MSH6: variants seen among roughly 807,000 people sequenced by gnomAD.
MSH6 encodes mutS homolog 6.
Under a neutral mutation model 119.1 loss-of-function variants are expected in MSH6, and 85 were observed. The ratio of observed to expected loss-of-function variants is 0.71; its 90% confidence interval spans 0.60 to 0.85. The LOEUF is 0.85. Ranked by LOEUF, MSH6 falls within the 40% of genes least tolerant of loss-of-function variation. MSH6 has a pLI of 0.00. For missense variants in MSH6, 2,163 were observed against 1,655.3 expected (o/e 1.31, Z -5.32); for synonymous variants, 830 against 586.9 (o/e 1.41, Z -5.99).
rs1346694568 is a variant in MSH6 at position 47,801,113 on chromosome 2, T to G, written c.3130T>G (p.Tyr1044Asp). 6.2e-7 allele frequency: 1 copy of G among 1,612,444 alleles called. No individual in the cohort carries two copies. The highest frequency in any genetic ancestry group is 1.1e-5 in the South Asian group (1 of 90,870). The change falls in exon 4 of 10, where the codon TAC (tyrosine) becomes GAC (aspartate). Residue 1044 changes from tyrosine (Y) to aspartate (D), a missense_variant. Coordinates refer to ENST00000234420, the MANE Select transcript of MSH6 (RefSeq NM_000179.3). Reference protein sequence around the residue: ...RRLFYNFDKNYKDWQSAVECI... With the variant: ...RRLFYNFDKNDKDWQSAVECI... The stretch of plus-strand genomic sequence containing the variant: ...ACTGTTCTATAACTTTGATAAAAAT[T>G]ACAAGGACTGGCAGTCTGCTGTAGA...
rs587779243 is a variant in MSH6, at chr2:47,800,548, TATTG to T, written c.2569_2572del (p.Asp857PhefsTer10). 2 of 1,613,674 alleles carry T rather than the reference TATTG, an allele frequency of 1.2e-6. No individual in the cohort carries two copies. Among genetic ancestry groups the T allele is most frequent in the Non-Finnish European group, 1.7e-6 (2 of 1,179,938 alleles). On this transcript the variant is annotated frameshift_variant, in exon 4 of 10. Transcript: ENST00000234420. LOFTEE classifies it high-confidence loss of function. ...AAACTACATACAGCAAGAAGAAGAT[TATTG>T]ATTTTCTTTCTGCTCTGGAAGGATT...
Position 47,800,076 on chromosome 2 carries a change from A to C in MSH6, c.2093A>C (p.Gln698Pro). The change falls in exon 4 of 10, where the codon CAG becomes CCG. Residue 698 changes from glutamine (Q) to proline (P), a missense_variant. Transcript: ENST00000234420. ...VFYLKKCLIDQELLSMANFEE... is the reference protein window; with the variant it reads ...VFYLKKCLIDPELLSMANFEE... ...TACCTCAAAAAATGCCTTATTGATC[A>C]GGAGCTTTTATCAATGGCTAATTTT... The C allele has an allele frequency of 6.2e-7, 1 of 1,614,158 alleles. No individual in the cohort carries two copies. Among genetic ancestry groups the C allele is most frequent in the Non-Finnish European group, 8.5e-7 (1 of 1,180,024 alleles).
intron 1 of MSH6, among the ~76,000 whole-genome samples, chr2:47,790,148 G>A (rs763046439): frequency 6.6e-6 from 1 of 152,264 alleles, no homozygotes; most frequent in Admixed American, 6.5e-5. Context: ...TTGGCCAGGC[G>A]CGGTGGCTCA....
At position 47,793,318 on chromosome 2, in the gene MSH6, C is replaced by CAA. The variant is rs34250836; in HGVS notation, c.457+2223_457+2224dup. Among the ~76,000 whole-genome samples, 102 of 48,804 alleles carry CAA rather than the reference C, an allele frequency of 2.1e-3. 6 individuals are homozygous for CAA. The highest frequency in any genetic ancestry group is 3.2e-3 in the African/African-American group (37 of 11,746). 32.0% of individuals were successfully genotyped at this position (48,804 alleles called of 152,430 possible). On this transcript the variant is annotated intron_variant, in intron 2 of 9. Transcript: ENST00000234420. Reference sequence around the variant, plus strand: ...CCTGGGTGACAGAGCGAGACTGTCTCAAAAAAAAAAAAAAAAAAAAAAAAA... The same window carrying CAA: ...CCTGGGTGACAGAGCGAGACTGTCTCAAAAAAAAAAAAAAAAAAAAAAAAAAA...
chr2:47,804,997 A>T lies in MSH6; in HGVS notation c.3526A>T (p.Arg1176Ter), dbSNP rs786203968. 6.2e-7 allele frequency: 1 copy of T among 1,613,860 alleles called. No individual in the cohort carries two copies. Among genetic ancestry groups the T allele is most frequent in the Middle Eastern group, 1.7e-4 (1 of 6,060 alleles). The change falls in exon 6 of 10, where the codon AGA becomes TGA. Residue 1176 changes from arginine (R) to a stop codon, truncating the protein, a stop_gained. Coordinates refer to ENST00000234420, the MANE Select transcript of MSH6 (RefSeq NM_000179.3). LOFTEE classifies it high-confidence loss of function. ...CACACCAATTGATAGAGTGTTTACTAGACTTGGTGCCTCAGACAGAATAAT... is the reference window on the plus strand; with the variant it reads ...CACACCAATTGATAGAGTGTTTACTTGACTTGGTGCCTCAGACAGAATAAT... ...RLTPIDRVFT[R>*]LGASDRIMSG...
chr2:47,795,595 A>G (rs901344857), intron 2 of MSH6, among the ~76,000 whole-genome samples: 1 of 150,650 alleles, frequency 6.6e-6, no homozygotes, highest in African/African-American at 2.4e-5. Flanking sequence ...CCTCCCAAGT[A>G]GCTGGGACTA....
rs1558650240 is a variant in MSH6 at position 47,788,922 on chromosome 2, G to GTTTTTTTTTTTTTTTTTT, written c.261-1997_261-1980dup. Among the ~76,000 whole-genome samples the GTTTTTTTTTTTTTTTTTT allele has an allele frequency of 9.3e-4, 38 of 40,948 alleles. 6 individuals are homozygous for GTTTTTTTTTTTTTTTTTT. Among genetic ancestry groups the GTTTTTTTTTTTTTTTTTT allele is most frequent in the African/African-American group, 1.4e-3 (14 of 10,004 alleles). 26.9% of individuals were successfully genotyped at this position (40,948 alleles called of 152,430 possible). A position where few individuals can be genotyped will look rare whatever the true frequency, so the allele number is the denominator to read the frequency against. On this transcript the variant is annotated intron_variant, in intron 1 of 9. Transcript: ENST00000234420. The stretch of plus-strand genomic sequence containing the variant: ...TTTCTTCTTCCTTTTTTTTTTTTTT[G>GTTTTTTTTTTTTTTTTTT]TTTTTTTTTTTTTTTTTTTTTTTTT...
chr2:47,801,049 A>G lies in MSH6; in HGVS notation c.3066A>G (p.Glu1022=), dbSNP rs766709747. 1.3e-6 allele frequency: 2 copies of G among 1,597,296 alleles called. No homozygotes were observed. The highest frequency in any genetic ancestry group is 1.7e-6 in the Non-Finnish European group (2 of 1,172,132). ...AGTTGGCTAATCTCATAAATGCTGA[A>G]GAACGGAGGGATGTATCATTGAAGG... ...EKKLANLINA[E]ERRDVSLKDC... Residue 1022 remains glutamate (E), a synonymous_variant, in exon 4 of 10, where the codon GAA becomes GAG. Coordinates refer to ENST00000234420, the MANE Select transcript of MSH6 (RefSeq NM_000179.3).
chr2:47,801,211 C>G (rs2104445161), intron 4 of MSH6, 56 bp downstream of exon 4: 1 of 1,565,188 alleles, frequency 6.4e-7, no homozygotes, highest in Non-Finnish European at 8.7e-7. Context: ...TGTTTGCCAG[C>G]TGTATATTAT....
At position 47,799,236 on chromosome 2, in the gene MSH6, C is replaced by T. The variant is rs2104331392; in HGVS notation, c.1253C>T (p.Ser418Phe). 6.2e-7 allele frequency: 1 copy of T among 1,614,126 alleles called. No individual in the cohort carries two copies. The highest frequency in any genetic ancestry group is 8.5e-7 in the Non-Finnish European group (1 of 1,180,030). Residue 418 changes from serine to phenylalanine, a missense_variant, in exon 4 of 10, where the codon TCT (serine) becomes TTT (phenylalanine). Transcript: ENST00000234420. The stretch of plus-strand genomic sequence containing the variant: ...ATGAGGAAGTGGTGGCAGATTAAGT[C>T]TCAGAACTTTGATCTTGTCATCTGT... ...PGMRKWWQIK[S>F]QNFDLVICYK...
downstream of MSH6, chr2:47,806,978 A>AAATT (rs1194177684): frequency 3.7e-6 from 3 of 803,502 alleles, no homozygotes; most frequent in African/African-American, 3.4e-5. Flanking sequence ...TCTTTCTAGG[A>AAATT]AATTAAACCC....
At chr2:47,798,528 C>A (rs773701508) in intron 3 of MSH6, 83 bp from the exon 4 acceptor site, 1 of 1,485,430 alleles carries the variant, frequency 6.7e-7, no homozygotes. Context: ...ATTATAAAGT[C>A]AAAAAATCAT....
rs786201684 is a variant in MSH6, at chr2:47,783,304, C to G, written c.71C>G (p.Ser24Trp). ...SPALSDANKA[S>W]ARASREGGRA... Reference sequence around the variant, plus strand: ...GCGCTGAGTGATGCCAACAAGGCCTCGGCCAGGGCCTCACGCGAAGGCGGC... The same window carrying G: ...GCGCTGAGTGATGCCAACAAGGCCTGGGCCAGGGCCTCACGCGAAGGCGGC... The change falls in exon 1 of 10, where the codon TCG becomes TGG. Residue 24 changes from serine to tryptophan, a missense_variant. Physicochemically the swap from Ser to Trp is radical, Grantham distance 177. Coordinates refer to ENST00000234420, the MANE Select transcript of MSH6 (RefSeq NM_000179.3). The G allele has an allele frequency of 6.2e-7, 1 of 1,611,888 alleles. No homozygotes were observed. Among genetic ancestry groups the G allele is most frequent in the Admixed American group, 1.7e-5 (1 of 59,952 alleles).
In MSH6 at chr2:47,799,128, A is replaced by C. The variant is rs1558660701; in HGVS notation, c.1145A>C (p.His382Pro). 6.2e-7 allele frequency: 1 copy of C among 1,614,186 alleles called. No homozygotes were observed. The part of the protein sequence containing the change: ...WLKEEKRRDE[H>P]RRRPDHPDFD... ...AAGGAGGAAAAGAGAAGAGATGAGC[A>C]CAGGAGGAGGCCTGATCACCCCGAT... Residue 382 changes from histidine (H) to proline (P), a missense_variant, in exon 4 of 10, where the codon CAC becomes CCC. His to Pro is a moderately conservative substitution (Grantham distance 77). Transcript: ENST00000234420.
chr2:47,809,629 A>G (rs980079107), downstream of MSH6: 1 of 1,613,130 alleles, frequency 6.2e-7, no homozygotes, highest in African/African-American at 1.3e-5. Context: ...ACCAGATGCT[A>G]AAAATAAGCC....
chr2:47,792,425 C>A (rs770363922), intron 2 of MSH6, among the ~76,000 whole-genome samples: 1 of 152,208 alleles, frequency 6.6e-6, no homozygotes. Context: ...ATCTGACATA[C>A]AGGTGGAAAG....
downstream of MSH6, chr2:47,806,974 T>A: frequency 1.2e-6 from 1 of 845,698 alleles, no homozygotes; most frequent in Non-Finnish European, 1.9e-6. Context: ...ATTTTCTTTC[T>A]AGGAAATTAA....
intron 4 of MSH6, among the ~76,000 whole-genome samples, chr2:47,801,519 C>T (rs755573897): frequency 6.6e-6 from 1 of 151,620 alleles, no homozygotes; most frequent in Non-Finnish European, 1.5e-5. Context: ...AGATATGCAC[C>T]ACCATGCATG....
At position 47,798,839 on chromosome 2, in the gene MSH6, G is replaced by A. The variant is rs1057520605; in HGVS notation, c.856G>A (p.Glu286Lys). ...AATAAGCAGTGGAGTGGGGGATAGT[G>A]AGAGTGAAGGCCTGAACAGCCCTGT... is the stretch of plus-strand genomic sequence containing the variant. The part of the protein sequence containing the change: ...DEISSGVGDS[E>K]SEGLNSPVKV... Residue 286 changes from glutamate (E) to lysine (K), a missense_variant, in exon 4 of 10, where the codon GAG (glutamate) becomes AAG (lysine). Transcript: ENST00000234420. 3 of 1,614,092 alleles carry A rather than the reference G, an allele frequency of 1.9e-6. No homozygotes were observed. The highest frequency in any genetic ancestry group is 1.6e-4 in the Middle Eastern group (1 of 6,084).
Sources: allele counts gnomAD v4.1 joint callset (sites outside exome capture counted in the v4.1 genomes callset), GRCh38; gene constraint gnomAD v4.1.1; transcripts MANE v1.5; gene names NCBI Gene and HGNC (gene_info 2026-07-23, HGNC 2026-07-21).